KATNAL1: variants seen among roughly 807,000 people sequenced by gnomAD.
KATNAL1 encodes katanin p60 ATPase-containing subunit A-like 1.
In KATNAL1, 32 loss-of-function variants were observed where a neutral mutation model predicts 55.2. The ratio of observed to expected loss-of-function variants is 0.58; its 90% confidence interval spans 0.44 to 0.78. KATNAL1 has a LOEUF of 0.78. KATNAL1 is among the 30% of genes least tolerant of loss of function. KATNAL1 has a pLI of 0.00. For synonymous variants in KATNAL1, 193 were observed against 193.6 expected (o/e 1.00, Z 0.02); for missense variants, 466 against 600.9 (o/e 0.78, Z 2.35).
chr13:30,218,773 C>A (rs1874562013), intron 9 of KATNAL1, among the ~76,000 whole-genome samples: 1 of 152,170 alleles, frequency 6.6e-6, no homozygotes, highest in African/African-American at 2.4e-5. Context: ...CAGCAGAGAT[C>A]TAGGCTTGTG....
At chr13:30,265,368 TATA>T (rs1249276517) in intron 3 of KATNAL1, among the ~76,000 whole-genome samples, 5 of 148,908 alleles carry the variant, frequency 3.4e-5, no homozygotes, top group South Asian at 4.2e-4. Flanking sequence ...AAATTTAAAG[TATA>T]ATAATAATAA....
intron 1 of KATNAL1, among the ~76,000 whole-genome samples, chr13:30,293,380 T>C (rs1022657456): frequency 8.5e-5 from 13 of 152,134 alleles, no homozygotes; most frequent in Non-Finnish European, 1.6e-4. Flanking sequence ...ACTGTGCACA[T>C]ACACTGTGTA....
intron 1 of KATNAL1, among the ~76,000 whole-genome samples, chr13:30,297,650 C>T (rs890614605): frequency 2.0e-5 from 3 of 152,082 alleles, no homozygotes; most frequent in Admixed American, 2.0e-4. Context: ...ATAAAGAAAA[C>T]GTGGTACATA....
chr13:30,225,840 T>C (rs1374571578), intron 9 of KATNAL1, among the ~76,000 whole-genome samples: 1 of 151,966 alleles, frequency 6.6e-6, no homozygotes, highest in Non-Finnish European at 1.5e-5. Context: ...AAATTTAAAA[T>C]GTCTGCTTAT....
rs759770073 is a variant in KATNAL1 at position 30,283,680 on chromosome 13, A to G, written c.98T>C (p.Met33Thr). 32 of 1,614,036 alleles carry G rather than the reference A, an allele frequency of 2.0e-5. No individual in the cohort carries two copies. In the South Asian group the frequency reaches 3.5e-4, roughly 18 times the overall value. The change falls in exon 2 of 11, where the codon ATG (methionine) becomes ACG (threonine). Residue 33 changes from methionine (M) to threonine (T), a missense_variant. This residue lies in a region of KATNAL1 where 248 missense variants were observed against 275.5 expected (regional missense o/e 0.90). Transcript: ENST00000380615. The stretch of plus-strand genomic sequence containing the variant: ...CTGGCAATGTCTCTGAATCTGCTGC[A>G]TCACCCCCTGGTAATATACCATTGA... ...DSSMVYYQGV[M>T]QQIQRHCQSV...
At position 30,227,562 on chromosome 13, in the gene KATNAL1, G is replaced by A. The variant is rs767442148; in HGVS notation, c.1013-16C>T. 2 of 1,598,114 alleles carry A rather than the reference G, an allele frequency of 1.3e-6. No individual in the cohort carries two copies. Among genetic ancestry groups the A allele is most frequent in the Non-Finnish European group, 1.7e-6 (2 of 1,171,026 alleles). On this transcript the variant is annotated splice_polypyrimidine_tract_variant and intron_variant, in intron 8 of 10. Coordinates refer to ENST00000380615, the MANE Select transcript of KATNAL1 (RefSeq NM_032116.5). ...CCTCCAACTCCTATACACAGTAAGG[G>A]AGGAAAAGATAGTGTTTTTCTTACA...
intron 4 of KATNAL1, among the ~76,000 whole-genome samples, chr13:30,248,641 A>G (rs1036377164): frequency 3.3e-5 from 5 of 152,242 alleles, no homozygotes; most frequent in Non-Finnish European, 7.3e-5. Context: ...AAAGACTGAC[A>G]ACGCCGGGCG....
At chr13:30,305,055 G>C (rs781120428) in intron 1 of KATNAL1, among the ~76,000 whole-genome samples, 31 of 151,930 alleles carry the variant, frequency 2.0e-4, no homozygotes, top group Admixed American at 1.6e-3. Flanking sequence ...TTATACAACT[G>C]GCTTTTCTAC....
chr13:30,270,904 T>A (rs846490), intron 3 of KATNAL1, among the ~76,000 whole-genome samples: 113,174 of 149,052 alleles, frequency 0.76, 43,115 homozygotes, highest in African/African-American at 0.84. Flanking sequence ...CCAAGAATGA[T>A]CAATAAACAA....
At chr13:30,278,913 G>A (rs1176815993) in intron 3 of KATNAL1, among the ~76,000 whole-genome samples, 1 of 152,150 alleles carries the variant, frequency 6.6e-6, no homozygotes, top group Admixed American at 6.5e-5. Context: ...AAAATACATT[G>A]TTGTAGACCT....
rs1300216969 is a variant in KATNAL1 at position 30,204,680 on chromosome 13, T to C, written c.*3860A>G. The C allele has an allele frequency of 1.3e-5, 2 of 152,242 alleles. No homozygotes were observed. The highest frequency in any genetic ancestry group is 4.8e-5 in the African/African-American group (2 of 41,474). The allele number at this position is 152,242 out of a possible 1,614,324, so 9.4% of individuals were successfully genotyped here. ...CACATTTTCCCCTGATGTATGTGTA[T>C]GACTGTCCATAGATTCACCAGGTAT... On this transcript the variant is annotated 3_prime_UTR_variant, in exon 11 of 11. Coordinates refer to ENST00000380615, the MANE Select transcript of KATNAL1 (RefSeq NM_032116.5).
chr13:30,215,797 G>A (rs903800470), intron 9 of KATNAL1, among the ~76,000 whole-genome samples: 3 of 151,884 alleles, frequency 2.0e-5, no homozygotes, highest in Non-Finnish European at 4.4e-5. Context: ...AGTGGGGAGG[G>A]ATAGCATTAG....
In KATNAL1 at chr13:30,207,677, G is replaced by T. The variant is rs1873277529; in HGVS notation, c.*863C>A. 1 of 152,248 alleles carries T rather than the reference G, an allele frequency of 6.6e-6. No homozygotes were observed. The highest frequency in any genetic ancestry group is 1.5e-5 in the Non-Finnish European group (1 of 68,090). The allele number at this position is 152,248 out of a possible 1,614,324, so 9.4% of individuals were successfully genotyped here. A position where few individuals can be genotyped will look rare whatever the true frequency, so the allele number is the denominator to read the frequency against. On this transcript the variant is annotated 3_prime_UTR_variant, in exon 11 of 11. Coordinates refer to ENST00000380615, the MANE Select transcript of KATNAL1 (RefSeq NM_032116.5). ...AGCTACTTGGGAGGCTGAGACAGGAGAATTGCTTGAATCTAGGAGGCAGAG... is the reference window on the plus strand; with the variant it reads ...AGCTACTTGGGAGGCTGAGACAGGATAATTGCTTGAATCTAGGAGGCAGAG...
rs972122204 is a variant in KATNAL1, at chr13:30,272,673, T to C, written c.323+7390A>G. On this transcript the variant is annotated intron_variant, in intron 3 of 10. Transcript: ENST00000380615. Reference sequence around the variant, plus strand: ...AAAAAAAAGACAGAAATGCCAAGTTTTTAGGCACTTATTGTATTACATACC... The same window carrying C: ...AAAAAAAAGACAGAAATGCCAAGTTCTTAGGCACTTATTGTATTACATACC... Among the ~76,000 whole-genome samples, 5 of 152,192 alleles carry C rather than the reference T, an allele frequency of 3.3e-5. No individual in the cohort carries two copies. The East Asian group carries it at 5.8e-4, about 18-fold the overall frequency.
chr13:30,264,292 T>A (rs1212635305), intron 3 of KATNAL1, among the ~76,000 whole-genome samples: 2 of 141,586 alleles, frequency 1.4e-5, no homozygotes, highest in South Asian at 2.4e-4. Context: ...AACCTAGGCA[T>A]TACCATTCAG....
chr13:30,283,472 A>G (rs939665806), intron 2 of KATNAL1, 144 bp downstream of exon 2: 5 of 576,992 alleles, frequency 8.7e-6, no homozygotes, highest in Middle Eastern at 3.4e-4. Flanking sequence ...ATTATTCAAG[A>G]GTATATTTTA....
In KATNAL1 at chr13:30,274,907, G is replaced by GCGCGCGCGCACA. The variant is rs869107567; in HGVS notation, c.323+5155_323+5156insTGTGCGCGCGCG. Among the ~76,000 whole-genome samples, 208 of 105,410 alleles carry GCGCGCGCGCACA rather than the reference G, an allele frequency of 2.0e-3. 1 individual carries two copies. Among genetic ancestry groups the GCGCGCGCGCACA allele is most frequent in the East Asian group, 3.8e-3 (14 of 3,666 alleles). 69.2% of individuals were successfully genotyped at this position (105,410 alleles called of 152,430 possible). A position where few individuals can be genotyped will look rare whatever the true frequency, so the allele number is the denominator to read the frequency against. On this transcript the variant is annotated intron_variant, in intron 3 of 10. Transcript: ENST00000380615. ...CACACACATACGCGCGCGCGCGCGC[G>GCGCGCGCGCACA]CACACACACACACACACACACACAC...
intron 9 of KATNAL1, 93 bp from the exon 10 acceptor site, chr13:30,210,535 G>A: frequency 8.8e-7 from 1 of 1,140,926 alleles, no homozygotes; most frequent in East Asian, 2.5e-5. Flanking sequence ...GAAAAATGAG[G>A]CCAATGCAAA....
In KATNAL1 at chr13:30,306,378, A is replaced by G. The variant is rs1359788242; in HGVS notation, c.-15+953T>C. On this transcript the variant is annotated intron_variant, in intron 1 of 10. Coordinates refer to ENST00000380615, the MANE Select transcript of KATNAL1 (RefSeq NM_032116.5). ...AATTATTGCTGCCTACTGCTAAAAA[A>G]GTCTGTTTTTAAAAGTTACTAGTAA... Among the ~76,000 whole-genome samples, 11 of 152,300 alleles carry G rather than the reference A, an allele frequency of 7.2e-5. No individual in the cohort carries two copies. The South Asian group carries it at 1.4e-3, about 20-fold the overall frequency.
Sources: allele counts gnomAD v4.1 joint callset (sites outside exome capture counted in the v4.1 genomes callset), GRCh38; gene constraint gnomAD v4.1.1; regional missense constraint gnomAD v4.1.1; transcripts MANE v1.5; gene names NCBI Gene and HGNC (gene_info 2026-07-23, HGNC 2026-07-21).